Variants in SNX5 observed in about 807,000 individuals in gnomAD.
SNX5 encodes the protein sorting nexin 5.
A neutral mutation model predicts 53.9 loss-of-function variants in SNX5; 31 were observed. The observed-to-expected ratio is 0.58, with a 90% CI of 0.43 to 0.78. The LOEUF is 0.78. Ranked by LOEUF, SNX5 falls within the 30% of genes least tolerant of loss-of-function variation. SNX5 has a pLI of 0.00. For missense variants in SNX5, 471 were observed against 478.8 expected, an observed-to-expected ratio of 0.98 and a Z score of 0.15; for synonymous variants, 168 against 171.1, an observed-to-expected ratio of 0.98 and a Z score of 0.14.
intron 4 of SNX5, among the ~76,000 whole-genome samples, chr20:17,952,949 C>A (rs1322905592): frequency 6.6e-6 from 1 of 152,226 alleles, no homozygotes; most frequent in Non-Finnish European, 1.5e-5. Flanking sequence ...GGGTCAAGTC[C>A]ATGAGCTCCT....
rs1438155080 is a variant in SNX5, at chr20:17,956,683, AAAAAAAAAAAAAAAAAAAAAAC to A, written c.156+228_156+249del. On this transcript the variant is annotated intron_variant, in intron 2 of 12. Coordinates refer to ENST00000377759, the MANE Select transcript of SNX5 (RefSeq NM_014426.4). ...CAATGAGACTGTCTCCAAAAAAAAA[AAAAAAAAAAAAAAAAAAAAAAC>A]AAAAAAACAATGCCCACAGCCCAGG... Among the ~76,000 whole-genome samples, 444 of 72,202 alleles carry A rather than the reference AAAAAAAAAAAAAAAAAAAAAAC, an allele frequency of 6.1e-3. 3 individuals are homozygous for A. The highest frequency in any genetic ancestry group is 0.014 in the African/African-American group (363 of 25,610). The allele number at this position is 72,202 out of a possible 152,430, so 47.4% of individuals were successfully genotyped here.
At chr20:17,947,307 C>A in intron 11 of SNX5, 179 bp downstream of exon 11, 1 of 606,278 alleles carries the variant, frequency 1.6e-6, no homozygotes, top group Non-Finnish European at 2.8e-6. Flanking sequence ...AGGTGTGTAA[C>A]GTTTGTAAGC....
At chr20:17,966,665 TC>T (rs2035542813) in intron 1 of SNX5, among the ~76,000 whole-genome samples, 1 of 152,342 alleles carries the variant, frequency 6.6e-6, no homozygotes, top group East Asian at 1.9e-4. Flanking sequence ...ATTAACTCCA[TC>T]CTTAGGGAGA....
At chr20:17,946,084 C>A (rs2039484419) in intron 11 of SNX5, among the ~76,000 whole-genome samples, 1 of 152,162 alleles carries the variant, frequency 6.6e-6, no homozygotes, top group Non-Finnish European at 1.5e-5. Flanking sequence ...TAGGTAAGGA[C>A]TACATATTAT....
chr20:17,955,867 C>T (rs774867250), intron 2 of SNX5, among the ~76,000 whole-genome samples: 1 of 152,188 alleles, frequency 6.6e-6, no homozygotes, highest in Non-Finnish European at 1.5e-5. Flanking sequence ...CTTCTTGGCT[C>T]ACTGCAACCT....
Position 17,953,855 on chromosome 20 carries a change from A to G in SNX5, c.389+141T>C, listed in dbSNP as rs1374400810. 3 of 659,484 alleles carry G rather than the reference A, an allele frequency of 4.5e-6. No individual in the cohort carries two copies. The African/African-American group carries it at 5.5e-5, about 12-fold the overall frequency. The allele number at this position is 659,484 out of a possible 1,614,324, so 40.9% of individuals were successfully genotyped here. On this transcript the variant is annotated intron_variant, in intron 4 of 12. Coordinates refer to ENST00000377759, the MANE Select transcript of SNX5 (RefSeq NM_014426.4). Reference sequence around the variant, plus strand: ...CCCACACTATGCAAGATGTATTACTAGTTTTAGAAAACGACGCTAGGGACC... The same window carrying G: ...CCCACACTATGCAAGATGTATTACTGGTTTTAGAAAACGACGCTAGGGACC...
intron 1 of SNX5, chr20:17,962,741 G>A (rs1391337055): frequency 3.9e-6 from 2 of 519,072 alleles, no homozygotes; most frequent in African/African-American, 1.9e-5. Flanking sequence ...ATCTTTGTGA[G>A]ATGGGTCTCA....
intron 1 of SNX5, among the ~76,000 whole-genome samples, chr20:17,958,879 A>G (rs1233806739): frequency 6.6e-6 from 1 of 152,194 alleles, no homozygotes; most frequent in Non-Finnish European, 1.5e-5. Context: ...CAACGACTCT[A>G]CTGATCTTAG....
At chr20:17,947,793 C>T in intron 10 of SNX5, 148 bp from the exon 11 acceptor site, 4 of 640,304 alleles carry the variant, frequency 6.2e-6, no homozygotes, top group Non-Finnish European at 9.8e-6. Flanking sequence ...TCTCCAGCTT[C>T]GCAGGGATGA....
intron 4 of SNX5, 127 bp from the exon 5 acceptor site, chr20:17,952,837 T>C (rs1396639134): frequency 1.8e-6 from 2 of 1,128,268 alleles, no homozygotes; most frequent in Admixed American, 3.1e-5. Context: ...CCAAACAGTA[T>C]TTCAGTATAA....
intron 5 of SNX5, among the ~76,000 whole-genome samples, chr20:17,952,049 C>T (rs2039577453): frequency 6.6e-6 from 1 of 152,118 alleles, no homozygotes; most frequent in Non-Finnish European, 1.5e-5. Flanking sequence ...CGGTGAAACC[C>T]CATCTCTACT....
intron 11 of SNX5, chr20:17,943,728 A>G (rs1372783061): frequency 6.5e-6 from 1 of 152,940 alleles, no homozygotes; most frequent in East Asian, 1.9e-4. Flanking sequence ...ATGCAGAGAA[A>G]AGTGAACTCT....
rs59252584 is a variant in SNX5 at position 17,956,673 on chromosome 20, CAAAAAAAAAAAAAA to C, written c.156+246_156+259del. ...CTGGGCAACACAATGAGACTGTCTC[CAAAAAAAAAAAAAA>C]AAAAAAAAAAAAAAAAACAAAAAAA... On this transcript the variant is annotated intron_variant, in intron 2 of 12. Transcript: ENST00000377759. Among the ~76,000 whole-genome samples the C allele has an allele frequency of 9.2e-3, 782 of 84,892 alleles. 5 individuals carry two copies. Among genetic ancestry groups the C allele is most frequent in the African/African-American group, 0.032 (683 of 21,032 alleles). 55.7% of individuals were successfully genotyped at this position (84,892 alleles called of 152,430 possible). A position where few individuals can be genotyped will look rare whatever the true frequency, so the allele number is the denominator to read the frequency against.
intron 8 of SNX5, among the ~76,000 whole-genome samples, chr20:17,949,345 C>T (rs116352653): frequency 1.1e-3 from 167 of 152,308 alleles, no homozygotes; most frequent in African/African-American, 3.5e-3. Context: ...TCCTGCCATG[C>T]GCCCAAATAT....
chr20:17,957,121 G>C, intron 1 of SNX5, 84 bp from the exon 2 acceptor site: 1 of 810,698 alleles, frequency 1.2e-6, no homozygotes, highest in East Asian at 2.5e-5. Context: ...CTAAAAAGCA[G>C]TTTATACATA....
At position 17,968,546 on chromosome 20, in the gene SNX5, C is replaced by G. The variant is rs542612877; in HGVS notation, c.-121G>C. 6.2e-6 allele frequency: 6 copies of G among 962,732 alleles called. No individual in the cohort carries two copies. The Admixed American group carries it at 1.8e-4, about 28-fold the overall frequency. The allele number at this position is 962,732 out of a possible 1,614,324, so 59.6% of individuals were successfully genotyped here. On this transcript the variant is annotated 5_prime_UTR_variant, in exon 1 of 13. Transcript: ENST00000377759. ...CACGGCCCCGCCTCCGCCGGCCTCC[C>G]TGCCCGACGGCGGCAGGAGGCCTCC...
intron 1 of SNX5, chr20:17,962,047 G>A: frequency 1.1e-6 from 1 of 905,838 alleles, no homozygotes; most frequent in Non-Finnish European, 1.3e-6. Context: ...AGGAAACAAT[G>A]TTCCCATTGG....
Position 17,967,437 on chromosome 20 carries a change from C to T in SNX5, c.51+938G>A, listed in dbSNP as rs1263232383. Among the ~76,000 whole-genome samples, 7 of 152,126 alleles carry T rather than the reference C, an allele frequency of 4.6e-5. No individual in the cohort carries two copies. In the East Asian group the frequency reaches 1.2e-3, roughly 25 times the overall value. On this transcript the variant is annotated intron_variant, in intron 1 of 12. Transcript: ENST00000377759. The stretch of plus-strand genomic sequence containing the variant: ...TACCCTTGTTGGAACAATCCAGCCG[C>T]TTTGAAACTCTGGTATTTACTTACT...
intron 1 of SNX5, chr20:17,961,901 A>T (rs533371961): frequency 1.9e-5 from 19 of 985,186 alleles, no homozygotes; most frequent in Non-Finnish European, 2.3e-5. Flanking sequence ...GCCTAGTCCA[A>T]TATTTGTTAA....
Sources: gnomAD v4.1 joint callset for allele counts (sites outside exome capture counted in the v4.1 genomes callset) on GRCh38, gnomAD v4.1.1 for gene constraint, MANE v1.5 for transcripts, NCBI Gene and HGNC (gene_info 2026-07-23, HGNC 2026-07-21) for gene names.